Variants in MYO7A observed in about 807,000 individuals in gnomAD.
MYO7A encodes the protein unconventional myosin-VIIa.
A neutral mutation model predicts 263.8 loss-of-function variants in MYO7A; 210 were observed. The ratio of observed to expected loss-of-function variants is 0.80; its 90% confidence interval spans 0.71 to 0.89. The LOEUF is 0.89. MYO7A is among the 40% of genes least tolerant of loss of function. The pLI is 0.00. For missense variants in MYO7A, 2,820 were observed against 2,968.3 expected (o/e 0.95, Z 1.16); for synonymous variants, 1,239 against 1,197.3 (o/e 1.03, Z -0.72).
intron 44 of MYO7A, 22 bp from the exon 45 acceptor site, chr11:77,211,130 T>A (rs1468060224): frequency 4.5e-6 from 7 of 1,543,008 alleles, no homozygotes; most frequent in Non-Finnish European, 5.3e-6. Flanking sequence ...TGCACGCCTG[T>A]GACCTGCTCT....
At chr11:77,152,609 A>G (rs1395210980) in intron 4 of MYO7A, among the ~76,000 whole-genome samples, 1 of 151,924 alleles carries the variant, frequency 6.6e-6, no homozygotes, top group East Asian at 1.9e-4. Flanking sequence ...AGGGGAGGTG[A>G]CAACCTGCCC....
Position 77,177,096 on chromosome 11 carries a change from C to G in MYO7A, c.2188-453C>G, listed in dbSNP as rs575366392. 1.2e-3 allele frequency among the ~76,000 whole-genome samples: 184 copies of G among 152,224 alleles called. 1 individual carries two copies. Among genetic ancestry groups the G allele is most frequent in the African/African-American group, 4.4e-3 (182 of 41,558 alleles). On this transcript the variant is annotated intron_variant, in intron 18 of 48. Coordinates refer to ENST00000409709, the MANE Select transcript of MYO7A (RefSeq NM_000260.4). ...GTTGTGTTGAGGAGGGTCCCTCTGG[C>G]TGCTTGTGAAGGAGCGCCAGAGAGG...
intron 16 of MYO7A, among the ~76,000 whole-genome samples, chr11:77,173,202 C>T (rs1218949114): frequency 6.6e-6 from 1 of 152,236 alleles, no homozygotes; most frequent in Non-Finnish European, 1.5e-5. Context: ...CTGACCGTAT[C>T]TACCTCCTAA....
chr11:77,201,746 G>A (rs1957078133), intron 36 of MYO7A, 108 bp downstream of exon 36: 1 of 1,207,078 alleles, frequency 8.3e-7, no homozygotes, highest in Admixed American at 2.2e-5. Flanking sequence ...CTGTGAAGAT[G>A]ATCTTGGGAT....
In MYO7A at chr11:77,177,480, C is replaced by T. The variant is rs1954744302; in HGVS notation, c.2188-69C>T. On this transcript the variant is annotated intron_variant, in intron 18 of 48. Transcript: ENST00000409709. ...GCTCCCAGTGAAGGAAGAGCAGCCC[C>T]CACTGGGACTGAGCAGGTGGTCCTA... The T allele has an allele frequency of 2.5e-6, 3 of 1,202,834 alleles. No individual in the cohort carries two copies. In the East Asian group the frequency reaches 7.6e-5, roughly 30 times the overall value. 74.5% of individuals were successfully genotyped at this position (1,202,834 alleles called of 1,614,324 possible).
chr11:77,154,012 C>T (rs1394069127), intron 4 of MYO7A, among the ~76,000 whole-genome samples: 4 of 152,120 alleles, frequency 2.6e-5, no homozygotes, highest in East Asian at 1.9e-4. Context: ...CTACTCGAGA[C>T]GTGGAGGCAG....
intron 2 of MYO7A, 81 bp downstream of exon 2, chr11:77,130,733 TC>T: frequency 1.3e-6 from 2 of 1,496,736 alleles, no homozygotes; most frequent in Non-Finnish European, 1.8e-6. Context: ...TGGGACACCC[TC>T]CCCAGGGTGT....
intron 4 of MYO7A, among the ~76,000 whole-genome samples, chr11:77,151,016 A>G (rs1426894144): frequency 6.6e-6 from 1 of 152,208 alleles, no homozygotes; most frequent in Admixed American, 6.5e-5. Context: ...GCCAGCTCAC[A>G]GCCTTGGGCC....
chr11:77,174,086 C>G (rs997830610), intron 16 of MYO7A, among the ~76,000 whole-genome samples: 1 of 152,060 alleles, frequency 6.6e-6, no homozygotes, highest in Non-Finnish European at 1.5e-5. Context: ...CAGTCTCTCC[C>G]TGCTCTAAAA....
At chr11:77,147,063 C>T (rs568936947) in intron 3 of MYO7A, among the ~76,000 whole-genome samples, 1 of 152,266 alleles carries the variant, frequency 6.6e-6, no homozygotes, top group South Asian at 2.1e-4. Flanking sequence ...CTTGCTCCCA[C>T]AGGTCATCAG....
chr11:77,150,718 G>A (rs1012824569), intron 4 of MYO7A, among the ~76,000 whole-genome samples: 1 of 152,178 alleles, frequency 6.6e-6, no homozygotes, highest in Non-Finnish European at 1.5e-5. Context: ...GCACCTGGAA[G>A]GGCCTCAGCT....
intron 42 of MYO7A, among the ~76,000 whole-genome samples, chr11:77,208,065 A>T (rs1487324658): frequency 1.3e-5 from 2 of 152,178 alleles, no homozygotes; most frequent in Admixed American, 1.3e-4. Context: ...TGGGACCCAG[A>T]GGTGACCCCA....
intron 27 of MYO7A, among the ~76,000 whole-genome samples, chr11:77,185,335 AG>A (rs1565422577): frequency 1.3e-5 from 2 of 152,226 alleles, no homozygotes; most frequent in Non-Finnish European, 2.9e-5. Context: ...TCAAAATTGG[AG>A]TCGATCCTCT....
chr11:77,132,511 A>T (rs1555046317), intron 2 of MYO7A, among the ~76,000 whole-genome samples: 1 of 152,106 alleles, frequency 6.6e-6, no homozygotes, highest in African/African-American at 2.4e-5. Flanking sequence ...TTGTTTTGAG[A>T]CAGAGTCTTG....
intron 31 of MYO7A, chr11:77,194,042 G>A: frequency 1.8e-6 from 1 of 562,294 alleles, no homozygotes; most frequent in South Asian, 1.5e-5. Context: ...GGCTGAGTGT[G>A]CAGTGGCTGC....
chr11:77,192,423 A>G, intron 31 of MYO7A, 145 bp downstream of exon 31: 1 of 809,534 alleles, frequency 1.2e-6, no homozygotes. Flanking sequence ...AGGCTCCTGG[A>G]TGGACACCGC....
intron 27 of MYO7A, among the ~76,000 whole-genome samples, chr11:77,186,213 G>C (rs7943136): frequency 0.61 from 93,164 of 151,958 alleles, 29,528 homozygotes; most frequent in African/African-American, 0.77. Context: ...AGCCCCTGCA[G>C]CCAGCCTCTT....
Position 77,138,691 on chromosome 11 carries a change from G to A in MYO7A, c.19-4018G>A, listed in dbSNP as rs1347962791. Among the ~76,000 whole-genome samples the A allele has an allele frequency of 1.3e-5, 2 of 152,206 alleles. No homozygotes were observed. Among genetic ancestry groups the A allele is most frequent in the Admixed American group, 6.5e-5 (1 of 15,288 alleles). ...GGCGGGGGTGTCCTGCATTTGCTGAGATCCAGAGCAGGGAGCACCTCCAGG... is the reference window on the plus strand; with the variant it reads ...GGCGGGGGTGTCCTGCATTTGCTGAAATCCAGAGCAGGGAGCACCTCCAGG... On this transcript the variant is annotated intron_variant, in intron 2 of 48. Coordinates refer to ENST00000409709, the MANE Select transcript of MYO7A (RefSeq NM_000260.4). The surrounding 1 kb of genome is among the most constrained non-coding windows in gnomAD (Gnocchi z 4.9).
rs1952506778 is a variant in MYO7A at position 77,156,789 on chromosome 11, C to T, written c.592+8C>T. 2 of 1,613,860 alleles carry T rather than the reference C, an allele frequency of 1.2e-6. No homozygotes were observed. Among genetic ancestry groups the T allele is most frequent in the Admixed American group, 1.7e-5 (1 of 60,014 alleles). On this transcript the variant is annotated splice_region_variant and intron_variant, in intron 6 of 48. Coordinates refer to ENST00000409709, the MANE Select transcript of MYO7A (RefSeq NM_000260.4). ...CCACCCCCATTCTGGAAGGTAGGAC[C>T]AGAGTTCCGAGGGTGGGACCAGGCA...
Sources: allele counts gnomAD v4.1 joint callset (sites outside exome capture counted in the v4.1 genomes callset), GRCh38; gene constraint gnomAD v4.1.1; non-coding constraint Gnocchi (gnomAD v3.1); transcripts MANE v1.5; gene names NCBI Gene and HGNC (gene_info 2026-07-23, HGNC 2026-07-21).